The following SYNM variants were observed in gnomAD, a reference collection of about 807,000 sequenced individuals.
SYNM encodes the protein desmuslin.
In SYNM, 95 loss-of-function variants were observed where a neutral mutation model predicts 104.0. The ratio of observed to expected loss-of-function variants is 0.91; its 90% CI spans 0.77 to 1.08. The LOEUF (loss-of-function observed/expected upper bound fraction) is 1.08, where lower values mean the gene tolerates loss of function less well. Among genes scored for constraint, SYNM ranks in the 50% least tolerant of loss-of-function variants. The pLI, the probability that SYNM is intolerant of heterozygous loss-of-function variation, is 0.00. For missense variants in SYNM, 2,150 were observed against 2,052.2 expected (o/e 1.05, Z -0.92); for synonymous variants, 918 against 869.0 (o/e 1.06, Z -0.99).
chr15:99,139,077 T>C, downstream of SYNM: 1 of 576,440 alleles, frequency 1.7e-6, no homozygotes, highest in South Asian at 1.8e-5. Context: ...GGGGCTGGTC[T>C]GCAGGAAGAC....
rs2067474197 is a variant in SYNM, at chr15:99,129,197, G to A, written c.1007-170G>A. The A allele has an allele frequency of 5.1e-6, 5 of 982,648 alleles. No individual in the cohort carries two copies. The South Asian group carries it at 9.1e-5, about 18-fold the overall frequency. 60.9% of individuals were successfully genotyped at this position (982,648 alleles called of 1,614,324 possible). A position where few individuals can be genotyped will look rare whatever the true frequency, so the allele number is the denominator to read the frequency against. ...TTATTGTAACAGGATTTTGTAAACT[G>A]CCAAAAAATAATTTGGGCACCAAAT... On this transcript the variant is annotated intron_variant, in intron 3 of 3. Transcript: ENST00000336292.
At chr15:99,114,408 G>A (rs185887258) in intron 2 of SYNM, among the ~76,000 whole-genome samples, 12 of 152,052 alleles carry the variant, frequency 7.9e-5, no homozygotes, top group African/African-American at 2.7e-4. Flanking sequence ...CCCTCAACAC[G>A]TGGGGGTTAC....
intron 2 of SYNM, among the ~76,000 whole-genome samples, chr15:99,125,499 C>T (rs1247673100): frequency 6.6e-6 from 1 of 152,274 alleles, no homozygotes; most frequent in African/African-American, 2.4e-5. Flanking sequence ...TGCGCCGGGG[C>T]AGGCCCGCTG....
At position 99,131,453 on chromosome 15, in the gene SYNM, G is replaced by A. The variant is rs782756819; in HGVS notation, c.3093G>A (p.Val1031=). Residue 1031 remains valine, a synonymous_variant, in exon 4 of 4, where the codon GTG becomes GTA. Transcript: ENST00000336292. This position sits in a 1 kb window ranked among gnomAD's most constrained non-coding sequence, Gnocchi z 4.3. The part of the protein sequence containing the change: ...KDEASEMEKA[V]ESVVRESLSR... Reference sequence around the variant, plus strand: ...AGGCCAGTGAGATGGAGAAGGCTGTGGAGTCGGTGGTTCGGGAGAGCCTGA... The same window carrying A: ...AGGCCAGTGAGATGGAGAAGGCTGTAGAGTCGGTGGTTCGGGAGAGCCTGA... 4 of 1,607,800 alleles carry A rather than the reference G, an allele frequency of 2.5e-6. No homozygotes were observed. The highest frequency in any genetic ancestry group is 3.4e-6 in the Non-Finnish European group (4 of 1,179,280).
chr15:99,139,138 TG>T, downstream of SYNM: 1 of 769,708 alleles, frequency 1.3e-6, no homozygotes, highest in Non-Finnish European at 2.2e-6. Flanking sequence ...TTTAAATACC[TG>T]GGCAAGGAAG....
chr15:99,106,195 G>A (rs1555482797), intron 1 of SYNM, among the ~76,000 whole-genome samples, 186 bp downstream of exon 1: 2 of 152,214 alleles, frequency 1.3e-5, no homozygotes, highest in African/African-American at 4.8e-5. Flanking sequence ...TCGACTCAGC[G>A]GGCGAGCGCG....
At chr15:99,114,911 C>T (rs1316965784) in intron 2 of SYNM, among the ~76,000 whole-genome samples, 1 of 152,142 alleles carries the variant, frequency 6.6e-6, no homozygotes, top group Non-Finnish European at 1.5e-5. Flanking sequence ...TTTTAGAGAC[C>T]CAGTTGCCCA....
chr15:99,109,648 G>A (rs2067282848), intron 1 of SYNM, among the ~76,000 whole-genome samples: 1 of 152,146 alleles, frequency 6.6e-6, no homozygotes, highest in African/African-American at 2.4e-5. Context: ...TAGCTCCCAG[G>A]GTGTGTACAA....
Position 99,129,573 on chromosome 15 carries a change from TC to T in SYNM, c.1215del (p.Ser406ArgfsTer30), listed in dbSNP as rs782374281. 5.6e-6 allele frequency: 9 copies of T among 1,613,808 alleles called. No individual in the cohort carries two copies. In the African/African-American group the frequency reaches 1.2e-4, roughly 22 times the overall value. On this transcript the variant is annotated frameshift_variant, in exon 4 of 4. Transcript: ENST00000336292. LOFTEE classifies it low-confidence loss of function (END_TRUNC). Reference sequence around the variant, plus strand: ...AGGCTTCTTGGGCTCGGGATATTCTTCCTCGGCCACTACCCAGCAGGAAAAC... The same window carrying T: ...AGGCTTCTTGGGCTCGGGATATTCTTCTCGGCCACTACCCAGCAGGAAAAC... ...RRGFLGSGYS[S>X]SATTQQENSY...
chr15:99,129,423 A>T lies in SYNM; in HGVS notation c.1063A>T (p.Arg355Trp), dbSNP rs3743242. 154,906 of 1,613,924 alleles carry T rather than the reference A, an allele frequency of 0.096. 9,139 individuals are homozygous for T. The highest frequency in any genetic ancestry group is 0.32 in the East Asian group (14,175 of 44,866). The change falls in exon 4 of 4, where the codon AGG (arginine) becomes TGG (tryptophan). Residue 355 changes from arginine (R) to tryptophan (W), a missense_variant. Coordinates refer to ENST00000336292, the MANE Select transcript of SYNM (RefSeq NM_145728.3). ...TDSLLQRENE[R>W]NLFSRQKAPL... is the part of the protein sequence containing the mutation. Reference sequence around the variant, plus strand: ...CTCACTACTACAGAGGGAAAATGAAAGGAATCTATTTTCAAGGCAGAAAGC... The same window carrying T: ...CTCACTACTACAGAGGGAAAATGAATGGAATCTATTTTCAAGGCAGAAAGC...
At chr15:99,140,903 T>TACCAA in the SYNM span, 1 of 152,044 alleles carries the variant, frequency 6.6e-6, no homozygotes, top group South Asian at 2.1e-4. Flanking sequence ...TAATGAGAAA[T>TACCAA]ACCAAACCAA....
chr15:99,114,767 C>T (rs1163170444), intron 2 of SYNM, among the ~76,000 whole-genome samples: 2 of 112,752 alleles, frequency 1.8e-5, no homozygotes, highest in African/African-American at 6.2e-5. Flanking sequence ...CTCCTCCCCT[C>T]CTTGGCATCA....
downstream of SYNM, chr15:99,137,882 G>C: frequency 6.9e-7 from 1 of 1,441,858 alleles, no homozygotes; most frequent in Non-Finnish European, 9.4e-7. Flanking sequence ...TTGCATGTTG[G>C]GGCCAACAGT....
chr15:99,123,270 T>C (rs1306794054), intron 2 of SYNM, among the ~76,000 whole-genome samples: 1 of 151,514 alleles, frequency 6.6e-6, no homozygotes, highest in Non-Finnish European at 1.5e-5. Context: ...CCTCTCTGTT[T>C]TATGAGTGAT....
downstream of SYNM, chr15:99,139,797 C>G: frequency 8.0e-7 from 1 of 1,246,306 alleles, no homozygotes. Context: ...ACATACTCTA[C>G]TTTTATTAAT....
rs781998907 is a variant in SYNM, at chr15:99,132,492, G to T, written c.4132G>T (p.Glu1378Ter). 6.2e-7 allele frequency: 1 copy of T among 1,614,014 alleles called. No individual in the cohort carries two copies. Among genetic ancestry groups the T allele is most frequent in the South Asian group, 1.1e-5 (1 of 91,082 alleles). Residue 1378 changes from glutamate to a stop codon, truncating the protein, a stop_gained, in exon 4 of 4, where the codon GAA becomes TAA. Transcript: ENST00000336292. LOFTEE classifies it high-confidence loss of function. ...EKSTFQSVVS[E>*]SPQEDSAEDT... ...GAGCACCTTCCAAAGTGTCGTTTCT[G>T]AATCTCCCCAGGAGGATAGTGCAGA...
chr15:99,131,213 G>A lies in SYNM; in HGVS notation c.2853G>A (p.Glu951=). ...AGGAGCCCCGGCAGCAGCTGGTGGAGGTCATCGGGCAGCTGGAGGAAACCC... is the reference window on the plus strand; with the variant it reads ...AGGAGCCCCGGCAGCAGCTGGTGGAAGTCATCGGGCAGCTGGAGGAAACCC... ...SSKEPRQQLV[E]VIGQLEETLP... Residue 951 remains glutamate, a synonymous_variant, in exon 4 of 4, where the codon GAG becomes GAA. Coordinates refer to ENST00000336292, the MANE Select transcript of SYNM (RefSeq NM_145728.3). The surrounding 1 kb of genome is among the most constrained non-coding windows in gnomAD (Gnocchi z 4.3). The A allele has an allele frequency of 6.2e-7, 1 of 1,609,216 alleles. No homozygotes were observed. The highest frequency in any genetic ancestry group is 8.5e-7 in the Non-Finnish European group (1 of 1,177,950).
chr15:99,112,473 A>C (rs1243198504), intron 1 of SYNM, among the ~76,000 whole-genome samples: 1 of 152,200 alleles, frequency 6.6e-6, no homozygotes, highest in Non-Finnish European at 1.5e-5. Context: ...GTACATTTTG[A>C]GGAGGGTGAT....
downstream of SYNM, chr15:99,137,874 G>T: frequency 2.9e-6 from 4 of 1,402,092 alleles, no homozygotes; most frequent in Non-Finnish European, 2.9e-6. Context: ...TCTCACTGTT[G>T]CATGTTGGGG....
Sources: gnomAD v4.1 joint callset for allele counts (sites outside exome capture counted in the v4.1 genomes callset) on GRCh38, gnomAD v4.1.1 for gene constraint, Gnocchi (gnomAD v3.1) non-coding constraint, MANE v1.5 for transcripts, NCBI Gene and HGNC (gene_info 2026-07-23, HGNC 2026-07-21) for gene names.